The following AUTS2 variants were observed in gnomAD, a reference collection of about 807,000 sequenced individuals.
AUTS2 encodes the protein activator of transcription and developmental regulator AUTS2.
A neutral mutation model predicts 112.4 loss-of-function variants in AUTS2; 17 were observed. The observed-to-expected ratio is 0.15, with a 90% CI of 0.10 to 0.23. The LOEUF (loss-of-function observed/expected upper bound fraction) is 0.23. Among genes scored for constraint, AUTS2 ranks in the 10% least tolerant of loss-of-function variants. AUTS2 has a pLI of 1.00. For synonymous variants in AUTS2, 751 were observed against 702.7 expected (o/e 1.07, Z -1.09); for missense variants, 1,510 against 1,701.6 (o/e 0.89, Z 1.98).
chr7:70,527,679 T>C (rs1799899619), intron 5 of AUTS2, among the ~76,000 whole-genome samples: 1 of 152,148 alleles, frequency 6.6e-6, no homozygotes, highest in Non-Finnish European at 1.5e-5. Flanking sequence ...GCACTAAATA[T>C]AAACAGTGGA....
At chr7:69,991,352 G>A (rs1330722077) in intron 2 of AUTS2, among the ~76,000 whole-genome samples, 1 of 152,132 alleles carries the variant, frequency 6.6e-6, no homozygotes, top group South Asian at 2.1e-4. Flanking sequence ...TGGACATTTC[G>A]TTCATCCTTT....
chr7:69,723,027 G>A (rs1799045446), intron 1 of AUTS2, among the ~76,000 whole-genome samples: 1 of 152,066 alleles, frequency 6.6e-6, no homozygotes, highest in African/African-American at 2.4e-5. Flanking sequence ...CCATAGAACT[G>A]TTCAGAAGCA....
At chr7:69,764,237 T>C (rs1030115695) in intron 1 of AUTS2, among the ~76,000 whole-genome samples, 2 of 152,224 alleles carry the variant, frequency 1.3e-5, no homozygotes, top group Admixed American at 6.5e-5. Context: ...GGACAGTAAT[T>C]TCCTGAAGTG....
chr7:70,750,940 G>A (rs536787242), intron 6 of AUTS2, among the ~76,000 whole-genome samples: 3 of 149,016 alleles, frequency 2.0e-5, no homozygotes, highest in East Asian at 1.9e-4. Flanking sequence ...CGAAACTAGG[G>A]TTTACCCTAG....
chr7:69,792,326 G>A (rs1789649340), intron 1 of AUTS2, among the ~76,000 whole-genome samples: 1 of 150,664 alleles, frequency 6.6e-6, no homozygotes, highest in Admixed American at 6.7e-5. Flanking sequence ...TGCAAGCTCC[G>A]CCTCCCGGGT....
chr7:70,646,663 T>C (rs1806178939), intron 5 of AUTS2, among the ~76,000 whole-genome samples: 1 of 152,244 alleles, frequency 6.6e-6, no homozygotes, highest in Non-Finnish European at 1.5e-5. Context: ...ACTGAATCAT[T>C]GCCATTTGTG....
chr7:70,731,629 C>T (rs1448458952), intron 6 of AUTS2, among the ~76,000 whole-genome samples: 1 of 151,660 alleles, frequency 6.6e-6, no homozygotes, highest in African/African-American at 2.4e-5. Context: ...CGGGGTTTCA[C>T]CATGTTAGCC....
chr7:70,125,399 A>G (rs1009925611), intron 3 of AUTS2, among the ~76,000 whole-genome samples: 1 of 152,128 alleles, frequency 6.6e-6, no homozygotes, highest in African/African-American at 2.4e-5. Flanking sequence ...ACGTCTTACA[A>G]GGTTTTTCCA....
chr7:69,707,810 A>G (rs1488683018), intron 1 of AUTS2, among the ~76,000 whole-genome samples: 1 of 152,226 alleles, frequency 6.6e-6, no homozygotes, highest in Middle Eastern at 3.2e-3. Context: ...GCCTAATAAC[A>G]CTAACTTTCT....
rs1266733292 is a variant in AUTS2, at chr7:69,669,962, T to TTTGGGA, written c.309+70002_309+70007dup. Among the ~76,000 whole-genome samples the TTTGGGA allele has an allele frequency of 6.4e-4, 98 of 152,250 alleles. 2 individuals carry two copies. The highest frequency in any genetic ancestry group is 2.1e-3 in the African/African-American group (87 of 41,532). On this transcript the variant is annotated intron_variant, in intron 1 of 18. Coordinates refer to ENST00000342771, the MANE Select transcript of AUTS2 (RefSeq NM_015570.4). Reference sequence around the variant, plus strand: ...CCTGGCGACATAATGGATAGCAGGGTTTGGGATGTTGTCTGTCCATAGACT... The same window carrying TTTGGGA: ...CCTGGCGACATAATGGATAGCAGGGTTTGGGATTGGGATGTTGTCTGTCCATAGACT...
At chr7:70,167,262 G>A (rs1322228898) in intron 4 of AUTS2, among the ~76,000 whole-genome samples, 2 of 152,002 alleles carry the variant, frequency 1.3e-5, no homozygotes, top group Non-Finnish European at 2.9e-5. Context: ...AACAGAAGTG[G>A]TTTTGTTAAT....
At chr7:69,968,923 A>G (rs985530429) in intron 2 of AUTS2, among the ~76,000 whole-genome samples, 8 of 152,060 alleles carry the variant, frequency 5.3e-5, no homozygotes, top group Admixed American at 5.2e-4. Flanking sequence ...CCCATGTTGA[A>G]ATTACAGGAT....
intron 1 of AUTS2, among the ~76,000 whole-genome samples, chr7:69,656,040 G>A (rs529881351): frequency 5.6e-4 from 85 of 152,356 alleles, no homozygotes; most frequent in Non-Finnish European, 7.8e-4. Flanking sequence ...TAGTGATGAG[G>A]TGGTGGCAGG....
Position 69,998,986 on chromosome 7 carries a change from C to T in AUTS2, c.522+99488C>T, listed in dbSNP as rs533062479. 1.5e-4 allele frequency among the ~76,000 whole-genome samples: 23 copies of T among 152,150 alleles called. 1 individual carries two copies. The highest frequency in any genetic ancestry group is 8.3e-4 in the South Asian group (4 of 4,814). ...GTTCCTGGAGTGTTTGAGGCTTTAG[C>T]GAGGAGGTCTGAGTGCTATGTGATA... On this transcript the variant is annotated intron_variant, in intron 2 of 18. Coordinates refer to ENST00000342771, the MANE Select transcript of AUTS2 (RefSeq NM_015570.4).
At chr7:69,660,466 A>G (rs1418699845) in intron 1 of AUTS2, among the ~76,000 whole-genome samples, 1 of 152,170 alleles carries the variant, frequency 6.6e-6, no homozygotes, top group Non-Finnish European at 1.5e-5. Flanking sequence ...AAATTCTAGG[A>G]AGAGGCAGAA....
At chr7:69,600,804 T>C (rs1792359791) in intron 1 of AUTS2, among the ~76,000 whole-genome samples, 1 of 152,092 alleles carries the variant, frequency 6.6e-6, no homozygotes, top group South Asian at 2.1e-4. Context: ...TCCTAGCTGC[T>C]ATCTGAAGGG....
chr7:69,661,138 G>C (rs1225753577), intron 1 of AUTS2, among the ~76,000 whole-genome samples: 3 of 152,086 alleles, frequency 2.0e-5, no homozygotes, highest in Non-Finnish European at 4.4e-5. Flanking sequence ...GAATCTTCCT[G>C]ATCTCTAAAA....
chr7:70,166,388 T>C (rs925108762), intron 4 of AUTS2, among the ~76,000 whole-genome samples: 2 of 152,190 alleles, frequency 1.3e-5, no homozygotes, highest in Admixed American at 1.3e-4. Flanking sequence ...GCAAAAATAA[T>C]AATTCTATAT....
chr7:69,839,220 C>G (rs1269346741), intron 1 of AUTS2, among the ~76,000 whole-genome samples: 7 of 152,096 alleles, frequency 4.6e-5, no homozygotes, highest in African/African-American at 1.7e-4. Context: ...TTTTCACTGG[C>G]TTTCTTTTTG....
Sources: gnomAD v4.1 joint callset for allele counts (sites outside exome capture counted in the v4.1 genomes callset) on GRCh38, gnomAD v4.1.1 for gene constraint, MANE v1.5 for transcripts, NCBI Gene and HGNC (gene_info 2026-07-23, HGNC 2026-07-21) for gene names.